Variants in EMG1 observed in about 807,000 individuals in gnomAD.
EMG1 encodes ribosomal RNA small subunit methyltransferase NEP1.
A neutral mutation model predicts 26.9 loss-of-function variants in EMG1; 24 were observed. The observed-to-expected ratio is 0.89, with a 90% CI of 0.65 to 1.26. The LOEUF is 1.26. Ranked by LOEUF, EMG1 falls within the 50% of genes most tolerant of loss-of-function variation. The pLI is 0.00. For synonymous variants in EMG1, 140 were observed against 112.6 expected, an observed-to-expected ratio of 1.24 and a Z score of -1.54; for missense variants, 299 against 307.6, an observed-to-expected ratio of 0.97 and a Z score of 0.21.
downstream of EMG1, among the ~76,000 whole-genome samples, chr12:6,991,114 T>G (rs1444917424): frequency 3.3e-5 from 5 of 152,168 alleles, no homozygotes; most frequent in Non-Finnish European, 7.3e-5. Context: ...GTTTTACATT[T>G]TCATAAATTT....
At chr12:6,985,062 C>T (rs1376209314) in intron 6 of EMG1, among the ~76,000 whole-genome samples, 1 of 145,046 alleles carries the variant, frequency 6.9e-6, no homozygotes, top group Non-Finnish European at 1.5e-5. Flanking sequence ...TGGTTTCTGT[C>T]CTTCTAGTCA....
In EMG1 at chr12:6,977,294, G is replaced by C; in HGVS notation, c.*1485G>C. On this transcript the variant is annotated 3_prime_UTR_variant, in exon 6 of 6. Transcript: ENST00000599672. The surrounding 1 kb of genome is among the most constrained non-coding windows in gnomAD (Gnocchi z 4.5). ...AGAGAGAGGCCACTAAGGTAGACAG[G>C]CCTGGAGTGTCCTTTGCAACCTTTG... The C allele has an allele frequency of 1.2e-6, 2 of 1,611,272 alleles. No individual in the cohort carries two copies. Among genetic ancestry groups the C allele is most frequent in the Non-Finnish European group, 1.7e-6 (2 of 1,177,446 alleles).
chr12:6,979,117 C>T lies in EMG1; in HGVS notation c.*3308C>T. On this transcript the variant is annotated 3_prime_UTR_variant, in exon 6 of 6. Coordinates refer to ENST00000599672, the MANE Select transcript of EMG1 (RefSeq NM_006331.8). Reference sequence around the variant, plus strand: ...CCCCCCTTCCCTTGGTTTCTGAATTCCCTAGAAGTGCCCAAATGTATCAGT... The same window carrying T: ...CCCCCCTTCCCTTGGTTTCTGAATTTCCTAGAAGTGCCCAAATGTATCAGT... 3.0e-6 allele frequency: 1 copy of T among 329,610 alleles called. No individual in the cohort carries two copies. Among genetic ancestry groups the T allele is most frequent in the Middle Eastern group, 8.8e-4 (1 of 1,132 alleles). The allele number at this position is 329,610 out of a possible 1,614,324, so 20.4% of individuals were successfully genotyped here.
Position 6,979,500 on chromosome 12 carries a change from C to G in EMG1, c.*3691C>G, listed in dbSNP as rs1467877. 1 of 1,613,904 alleles carries G rather than the reference C, an allele frequency of 6.2e-7. No individual in the cohort carries two copies. Among genetic ancestry groups the G allele is most frequent in the African/African-American group, 1.3e-5 (1 of 75,036 alleles). Reference sequence around the variant, plus strand: ...TAGTCTTCAGTGAGGAGATAGTCTTCTGTGATGTGGGGGCTGAGCAGTGTG... The same window carrying G: ...TAGTCTTCAGTGAGGAGATAGTCTTGTGTGATGTGGGGGCTGAGCAGTGTG... On this transcript the variant is annotated 3_prime_UTR_variant, in exon 6 of 6. Coordinates refer to ENST00000599672, the MANE Select transcript of EMG1 (RefSeq NM_006331.8).
At chr12:6,971,127 G>A in intron 1 of EMG1, 36 bp downstream of exon 1, 5 of 1,563,810 alleles carry the variant, frequency 3.2e-6, no homozygotes, top group Non-Finnish European at 4.4e-6. Flanking sequence ...GTAGTAAATC[G>A]ATAGGTTGGG....
downstream of EMG1, among the ~76,000 whole-genome samples, chr12:6,989,718 C>T (rs1220655697): frequency 2.0e-5 from 3 of 152,182 alleles, no homozygotes; most frequent in African/African-American, 7.2e-5. Context: ...GGACTTCACT[C>T]AGTTCCAAGT....
exon 8 of EMG1, chr12:6,997,366 A>G (rs2018552687): frequency 7.0e-6 from 1 of 143,352 alleles, no homozygotes; most frequent in Admixed American, 7.3e-5. Context: ...TGCCCCCAAA[A>G]CAACAGCAAA....
Position 6,975,888 on chromosome 12 carries a change from A to G in EMG1, c.*79A>G. On this transcript the variant is annotated 3_prime_UTR_variant, in exon 6 of 6. Transcript: ENST00000599672. Reference sequence around the variant, plus strand: ...CCTGGTCTGAGCTGACTGCTGGAAGATGATCTTTCTGCACTGAGACTGTGG... The same window carrying G: ...CCTGGTCTGAGCTGACTGCTGGAAGGTGATCTTTCTGCACTGAGACTGTGG... 4.7e-6 allele frequency: 4 copies of G among 855,082 alleles called. No individual in the cohort carries two copies. The highest frequency in any genetic ancestry group is 7.9e-6 in the Non-Finnish European group (4 of 505,452). 53.0% of individuals were successfully genotyped at this position (855,082 alleles called of 1,614,324 possible).
downstream of EMG1, chr12:6,983,266 GA>G: frequency 3.4e-6 from 2 of 590,626 alleles, no homozygotes; most frequent in Non-Finnish European, 6.1e-6. Flanking sequence ...GTACATAAAA[GA>G]AAAAAAGGAA....
At chr12:6,982,419 A>G (rs1555154229), downstream of EMG1, among the ~76,000 whole-genome samples, 3 of 152,118 alleles carry the variant, frequency 2.0e-5, no homozygotes, top group Admixed American at 1.3e-4. Context: ...AGTGGGTTAA[A>G]CCAAAGAGCC....
Position 6,978,038 on chromosome 12 carries a change from G to T in EMG1, c.*2229G>T, listed in dbSNP as rs1331591811. 5.3e-6 allele frequency: 3 copies of T among 560,748 alleles called. No individual in the cohort carries two copies. The highest frequency in any genetic ancestry group is 6.3e-6 in the Non-Finnish European group (2 of 315,066). The allele number at this position is 560,748 out of a possible 1,614,324, so 34.7% of individuals were successfully genotyped here. On this transcript the variant is annotated 3_prime_UTR_variant, in exon 6 of 6. Coordinates refer to ENST00000599672, the MANE Select transcript of EMG1 (RefSeq NM_006331.8). Reference sequence around the variant, plus strand: ...CTCTACTCAAGCTGCCCACACTCTAGTGGTGGGGACAAACAAGTAAAGCTG... The same window carrying T: ...CTCTACTCAAGCTGCCCACACTCTATTGGTGGGGACAAACAAGTAAAGCTG...
At chr12:6,981,786 A>C, downstream of EMG1, 2 of 1,583,380 alleles carry the variant, frequency 1.3e-6, no homozygotes, top group Non-Finnish European at 1.7e-6. Flanking sequence ...ACATGTAAGG[A>C]AGGCAGGCAG....
At position 6,977,073 on chromosome 12, in the gene EMG1, TCCAG is replaced by T; in HGVS notation, c.*1265_*1268del. Reference sequence around the variant, plus strand: ...CAGATTTCTAATACTATTGTTTTTTTCCAGTCTGTTGCTCTATTCTGTAACCTGG... The same window carrying T: ...CAGATTTCTAATACTATTGTTTTTTTTCTGTTGCTCTATTCTGTAACCTGG... On this transcript the variant is annotated 3_prime_UTR_variant, in exon 6 of 6. Transcript: ENST00000599672. The surrounding 1 kb of genome is among the most constrained non-coding windows in gnomAD (Gnocchi z 4.5). 2 of 1,041,552 alleles carry T rather than the reference TCCAG, an allele frequency of 1.9e-6. No homozygotes were observed. Among genetic ancestry groups the T allele is most frequent in the Admixed American group, 1.8e-5 (1 of 56,160 alleles). The allele number at this position is 1,041,552 out of a possible 1,614,324, so 64.5% of individuals were successfully genotyped here.
downstream of EMG1, among the ~76,000 whole-genome samples, chr12:6,982,405 G>A (rs1565598495): frequency 6.6e-6 from 1 of 152,144 alleles, no homozygotes; most frequent in Non-Finnish European, 1.5e-5. Context: ...CTCTGCTCCT[G>A]GATAGTGGGT....
Position 6,987,284 on chromosome 12 carries a change from G to A in EMG1, c.*155-498G>A, listed in dbSNP as rs955055678. On this transcript the variant is annotated intron_variant and NMD_transcript_variant, in intron 6 of 7. Coordinates refer to the EMG1 transcript ENST00000261406. The surrounding 1 kb of genome is among the most constrained non-coding windows in gnomAD (Gnocchi z 4.1). Reference sequence around the variant, plus strand: ...TTAGTAAATGCCTGCTATATGCCAGGTATTCTGTTTATGAAGCACGTAATT... The same window carrying A: ...TTAGTAAATGCCTGCTATATGCCAGATATTCTGTTTATGAAGCACGTAATT... Among the ~76,000 whole-genome samples, 2 of 152,262 alleles carry A rather than the reference G, an allele frequency of 1.3e-5. No individual in the cohort carries two copies. Among genetic ancestry groups the A allele is most frequent in the African/African-American group, 4.8e-5 (2 of 41,558 alleles).
chr12:6,976,140 T>G lies in EMG1; in HGVS notation c.*331T>G. The G allele has an allele frequency of 4.4e-6, 1 of 228,804 alleles. No individual in the cohort carries two copies. The highest frequency in any genetic ancestry group is 8.6e-6 in the Non-Finnish European group (1 of 116,144). 14.2% of individuals were successfully genotyped at this position (228,804 alleles called of 1,614,324 possible). The stretch of plus-strand genomic sequence containing the variant: ...CATGTGCTAAAGGAGAGAACCCTGA[T>G]GATGGAGAAGAACTGTGAAAGAGAG... On this transcript the variant is annotated 3_prime_UTR_variant, in exon 6 of 6. Coordinates refer to ENST00000599672, the MANE Select transcript of EMG1 (RefSeq NM_006331.8).
At chr12:6,993,158 C>T (rs150537734), downstream of EMG1, among the ~76,000 whole-genome samples, 8 of 151,902 alleles carry the variant, frequency 5.3e-5, no homozygotes, top group East Asian at 9.7e-4. Flanking sequence ...AAAAGGTTGT[C>T]GCCGGGCATG....
intron 1 of EMG1, among the ~76,000 whole-genome samples, 184 bp from the exon 2 acceptor site, chr12:6,974,155 G>GA (rs1555152640): frequency 6.6e-6 from 1 of 152,152 alleles, no homozygotes; most frequent in Non-Finnish European, 1.5e-5. Flanking sequence ...GTAATCCCCC[G>GA]AAGGGCTTGC....
chr12:6,978,470 C>G lies in EMG1; in HGVS notation c.*2661C>G. On this transcript the variant is annotated 3_prime_UTR_variant, in exon 6 of 6. Coordinates refer to ENST00000599672, the MANE Select transcript of EMG1 (RefSeq NM_006331.8). ...CTTTGCCTTGCCCTTTTCTTCAAAG[C>G]CATTGAAGCCCAGGCCCGTCAAAAT... The G allele has an allele frequency of 6.2e-7, 1 of 1,614,006 alleles. No homozygotes were observed. Among genetic ancestry groups the G allele is most frequent in the Non-Finnish European group, 8.5e-7 (1 of 1,179,898 alleles).
Sources: gnomAD v4.1 joint callset for allele counts (sites outside exome capture counted in the v4.1 genomes callset) on GRCh38, gnomAD v4.1.1 for gene constraint, Gnocchi (gnomAD v3.1) non-coding constraint, MANE v1.5 for transcripts, NCBI Gene and HGNC (gene_info 2026-07-23, HGNC 2026-07-21) for gene names.